Variants in KLRF2 observed in about 807,000 individuals in gnomAD.
KLRF2 encodes killer cell lectin-like receptor subfamily F member 2.
In KLRF2, 28 loss-of-function variants were observed where a neutral mutation model predicts 25.3. That is an observed-to-expected ratio of 1.11 (90% CI 0.82 to 1.52). The LOEUF is 1.52. Among genes scored for constraint, KLRF2 ranks in the 40% most tolerant of loss-of-function variants. The pLI is 0.00. For synonymous variants in KLRF2, 73 were observed against 85.0 expected, an observed-to-expected ratio of 0.86 and a Z score of 0.78; for missense variants, 265 against 245.8, an observed-to-expected ratio of 1.08 and a Z score of -0.52.
intron 3 of KLRF2, among the ~76,000 whole-genome samples, chr12:9,889,467 ACTG>A (rs2137000270): frequency 6.6e-6 from 1 of 152,236 alleles, no homozygotes; most frequent in Admixed American, 6.5e-5. Flanking sequence ...TCTTAGAAAA[ACTG>A]CTGAGGTCCC....
chr12:9,890,793 C>T (rs1026163187), intron 3 of KLRF2, among the ~76,000 whole-genome samples: 3 of 152,208 alleles, frequency 2.0e-5, no homozygotes, highest in African/African-American at 2.4e-5. Flanking sequence ...ATTCACAGGT[C>T]TTACCCATAG....
intron 5 of KLRF2, among the ~76,000 whole-genome samples, chr12:9,895,416 A>G (rs961091006): frequency 2.0e-5 from 3 of 152,188 alleles, no homozygotes; most frequent in African/African-American, 2.4e-5. Flanking sequence ...CTGGAAATAG[A>G]ATACTCAGGT....
At chr12:9,892,678 A>G (rs1361711024) in intron 3 of KLRF2, among the ~76,000 whole-genome samples, 2 of 135,326 alleles carry the variant, frequency 1.5e-5, no homozygotes, top group Non-Finnish European at 3.1e-5. Flanking sequence ...TCCACCTCCC[A>G]GGTTCAAGCG....
intron 1 of KLRF2, among the ~76,000 whole-genome samples, chr12:9,882,008 G>T (rs924180384): frequency 6.6e-6 from 1 of 151,446 alleles, no homozygotes. Context: ...GTATATATAT[G>T]CTTATATATA....
chr12:9,882,875 TTGATATATAATAAGAAAAATCTACC>T (rs1418418458), intron 1 of KLRF2, among the ~76,000 whole-genome samples: 1 of 152,204 alleles, frequency 6.6e-6, no homozygotes, highest in East Asian at 1.9e-4. Flanking sequence ...TCTCAATACT[TTGATATATAATAAGAAAAATCTACC>T]TGATGATGCT....
intron 2 of KLRF2, among the ~76,000 whole-genome samples, chr12:9,886,175 C>T (rs900125324): frequency 3.3e-5 from 5 of 151,864 alleles, no homozygotes; most frequent in African/African-American, 1.2e-4. Flanking sequence ...TTTTTCTAGC[C>T]ATATTTTTTA....
chr12:9,889,633 T>C (rs1009262087), intron 3 of KLRF2, among the ~76,000 whole-genome samples: 1 of 148,920 alleles, frequency 6.7e-6, no homozygotes, highest in Non-Finnish European at 1.5e-5. Context: ...TCTCTCTCTA[T>C]ATGTGTATAT....
Position 9,881,606 on chromosome 12 carries a change from A to G in KLRF2, c.11A>G (p.Glu4Gly), listed in dbSNP as rs757785543. 6.5e-7 allele frequency: 1 copy of G among 1,533,886 alleles called. No homozygotes were observed. Among genetic ancestry groups the G allele is most frequent in the South Asian group, 1.2e-5 (1 of 84,018 alleles). ...TAGACATTTGAAGAGATGGAGAATG[A>G]AGATGGGTATATGACGCTGAGTTTC... is the stretch of plus-strand genomic sequence containing the variant. MEN[E>G]DGYMTLSFKN... is the part of the protein sequence containing the mutation. The change falls in exon 1 of 6, where the codon GAA becomes GGA. Residue 4 changes from glutamate (E) to glycine (G), a missense_variant. Physicochemically the swap from Glu to Gly is moderately conservative, Grantham distance 98. Transcript: ENST00000535540.
intron 5 of KLRF2, among the ~76,000 whole-genome samples, chr12:9,894,122 T>C (rs1862724169): frequency 1.0e-5 from 1 of 96,196 alleles, no homozygotes; most frequent in African/African-American, 4.5e-5. Flanking sequence ...TTTCTTTCTT[T>C]TCTTTCTCTC....
In KLRF2 at chr12:9,893,014, C is replaced by T. The variant is rs73048810; in HGVS notation, c.218-6C>T. On this transcript the variant is annotated splice_region_variant and splice_polypyrimidine_tract_variant and intron_variant, in intron 3 of 5. Transcript: ENST00000535540. ...TTAATTAATTTTCCCCTATGTTTTC[C>T]TTTAGGACACAATTACTTGTGCCCA... 82 of 1,532,692 alleles carry T rather than the reference C, an allele frequency of 5.4e-5. No individual in the cohort carries two copies. The highest frequency in any genetic ancestry group is 7.0e-5 in the Non-Finnish European group (80 of 1,144,632). The allele number at this position is 1,532,692 out of a possible 1,614,324, so 94.9% of individuals were successfully genotyped here. A position where few individuals can be genotyped will look rare whatever the true frequency, so the allele number is the denominator to read the frequency against.
At chr12:9,882,780 A>G (rs570998403) in intron 1 of KLRF2, among the ~76,000 whole-genome samples, 3 of 97,244 alleles carry the variant, frequency 3.1e-5, no homozygotes, top group South Asian at 4.0e-4. Flanking sequence ...GACTCCATAT[A>G]TAAAAAAACA....
intron 5 of KLRF2, among the ~76,000 whole-genome samples, chr12:9,894,036 CTTTT>C (rs1449974550): frequency 2.0e-5 from 3 of 151,714 alleles, no homozygotes; most frequent in African/African-American, 4.8e-5. Context: ...TCTTCTCTTT[CTTTT>C]TCTTTCTTTC....
intron 5 of KLRF2, among the ~76,000 whole-genome samples, chr12:9,895,300 A>T (rs1014619321): frequency 1.3e-5 from 2 of 152,246 alleles, no homozygotes; most frequent in Admixed American, 1.3e-4. Flanking sequence ...CAAAACTGAA[A>T]TTATGGAGGT....
chr12:9,892,580 C>CTTTTT (rs66824753), intron 3 of KLRF2, among the ~76,000 whole-genome samples: 12 of 104,830 alleles, frequency 1.1e-4, no homozygotes, highest in African/African-American at 1.5e-4. Context: ...TACAGAACTG[C>CTTTTT]TTTTTTTTTT....
chr12:9,883,799 A>C (rs1868120064), intron 1 of KLRF2, among the ~76,000 whole-genome samples: 2 of 152,222 alleles, frequency 1.3e-5, no homozygotes, highest in African/African-American at 4.8e-5. Context: ...TATACTATAG[A>C]TCTAATCAAA....
In KLRF2 at chr12:9,885,153, A is replaced by G. The variant is rs544837290; in HGVS notation, c.169+121A>G. 7 of 337,076 alleles carry G rather than the reference A, an allele frequency of 2.1e-5. No individual in the cohort carries two copies. The Admixed American group carries it at 3.3e-4, about 16-fold the overall frequency. The allele number at this position is 337,076 out of a possible 1,614,324, so 20.9% of individuals were successfully genotyped here. A position where few individuals can be genotyped will look rare whatever the true frequency, so the allele number is the denominator to read the frequency against. On this transcript the variant is annotated intron_variant, in intron 2 of 5. Transcript: ENST00000535540. ...CAAAACTGGCATATGTCATATTATA[A>G]AATTATATTAAATTTAAAAAATTAA...
intron 5 of KLRF2, among the ~76,000 whole-genome samples, chr12:9,894,080 TCTC>T (rs938801228): frequency 2.6e-5 from 4 of 151,804 alleles, no homozygotes; most frequent in African/African-American, 4.8e-5. Flanking sequence ...TTTCTCTTTC[TCTC>T]TTCTTCTTTC....
intron 2 of KLRF2, among the ~76,000 whole-genome samples, chr12:9,886,575 G>T (rs1450483680): frequency 6.6e-6 from 1 of 152,008 alleles, no homozygotes; most frequent in African/African-American, 2.4e-5. Flanking sequence ...GTAAATGGAG[G>T]TCTAAAACAA....
At position 9,888,691 on chromosome 12, in the gene KLRF2, T is replaced by A. The variant is rs369590206; in HGVS notation, c.170-42T>A. 2.1e-5 allele frequency: 25 copies of A among 1,180,946 alleles called. No individual in the cohort carries two copies. In the East Asian group the frequency reaches 6.1e-4, roughly 29 times the overall value. 73.2% of individuals were successfully genotyped at this position (1,180,946 alleles called of 1,614,324 possible). A position where few individuals can be genotyped will look rare whatever the true frequency, so the allele number is the denominator to read the frequency against. ...TCTCATGTACCTAGATTGCTATTGA[T>A]TTTTAAATGTTTCTCATATCTTTTC... On this transcript the variant is annotated intron_variant, in intron 2 of 5. Transcript: ENST00000535540.
Sources: gnomAD v4.1 joint callset for allele counts (sites outside exome capture counted in the v4.1 genomes callset) on GRCh38, gnomAD v4.1.1 for gene constraint, MANE v1.5 for transcripts, NCBI Gene and HGNC (gene_info 2026-07-23, HGNC 2026-07-21) for gene names.